The following TRAPPC9 variants were observed in gnomAD, a reference collection of about 807,000 sequenced individuals.
TRAPPC9 encodes trafficking protein particle complex subunit 9, also known as IKK2 binding protein.
TRAPPC9 carries 83 observed loss-of-function variants against 124.0 expected under a neutral mutation model. That is an observed-to-expected ratio of 0.67 (90% CI 0.56 to 0.80). The LOEUF (loss-of-function observed/expected upper bound fraction) is 0.80, where lower values mean the gene tolerates loss of function less well. TRAPPC9 is among the 30% of genes least tolerant of loss of function. TRAPPC9 has a pLI of 0.00. For missense variants in TRAPPC9, 1,302 were observed against 1,508.3 expected (o/e 0.86, Z 2.27); for synonymous variants, 638 against 617.5 (o/e 1.03, Z -0.49).
chr8:139,842,313 C>T (rs973577171), intron 21 of TRAPPC9, among the ~76,000 whole-genome samples: 1 of 152,226 alleles, frequency 6.6e-6, no homozygotes, highest in East Asian at 1.9e-4. Context: ...GAGCTTCCCA[C>T]CTGTGGAAAC....
At chr8:140,037,483 G>A (rs1587556245) in intron 17 of TRAPPC9, among the ~76,000 whole-genome samples, 1 of 151,924 alleles carries the variant, frequency 6.6e-6, no homozygotes, top group Non-Finnish European at 1.5e-5. Context: ...GGCCCCAATT[G>A]CCCAGCTACA....
chr8:140,116,205 A>G (rs928792887), intron 17 of TRAPPC9, among the ~76,000 whole-genome samples: 8 of 152,168 alleles, frequency 5.3e-5, no homozygotes, highest in Non-Finnish European at 1.0e-4. Flanking sequence ...GGCAATGAGG[A>G]ATAACGAAAA....
At chr8:140,229,618 G>C (rs2063545506) in intron 16 of TRAPPC9, among the ~76,000 whole-genome samples, 1 of 151,720 alleles carries the variant, frequency 6.6e-6, no homozygotes, top group Non-Finnish European at 1.5e-5. Context: ...GCTGAGGCTG[G>C]AGTGTAGCGG....
chr8:140,089,945 C>G (rs1407424622), intron 17 of TRAPPC9, among the ~76,000 whole-genome samples: 2 of 151,996 alleles, frequency 1.3e-5, no homozygotes, highest in Non-Finnish European at 2.9e-5. Context: ...CTGGGTGTGG[C>G]GGTGCACGCC....
intron 14 of TRAPPC9, among the ~76,000 whole-genome samples, chr8:140,280,449 C>T (rs1254862717): frequency 6.6e-6 from 1 of 152,050 alleles, no homozygotes; most frequent in Non-Finnish European, 1.5e-5. Flanking sequence ...TATTTTGAGA[C>T]AAAGTCTCGC....
At chr8:140,177,489 T>C (rs2062096271) in intron 17 of TRAPPC9, among the ~76,000 whole-genome samples, 1 of 152,186 alleles carries the variant, frequency 6.6e-6, no homozygotes, top group African/African-American at 2.4e-5. Context: ...GACTTCCTAT[T>C]TTGTTTCCAT....
chr8:140,038,639 G>A (rs62527033), intron 17 of TRAPPC9, among the ~76,000 whole-genome samples: 70,807 of 152,018 alleles, frequency 0.47, 18,286 homozygotes, highest in Non-Finnish European at 0.59. Flanking sequence ...GAGGGAGGCG[G>A]CCTCTCCTGA....
Position 139,730,876 on chromosome 8 carries a change from T to A in TRAPPC9, c.*185A>T. 1.5e-6 allele frequency: 1 copy of A among 652,502 alleles called. No homozygotes were observed. The highest frequency in any genetic ancestry group is 2.6e-6 in the Non-Finnish European group (1 of 382,652). The allele number at this position is 652,502 out of a possible 1,614,324, so 40.4% of individuals were successfully genotyped here. A position where few individuals can be genotyped will look rare whatever the true frequency, so the allele number is the denominator to read the frequency against. On this transcript the variant is annotated 3_prime_UTR_variant, in exon 23 of 23. Coordinates refer to ENST00000438773, the MANE Select transcript of TRAPPC9 (RefSeq NM_001160372.4). ...GGCGTGGCATGGGGTGGGGCTGCCA[T>A]GTCCGGGGCTTCTGCGTAGCCCAGC...
intron 17 of TRAPPC9, among the ~76,000 whole-genome samples, chr8:140,055,974 T>A (rs562296220): frequency 7.9e-5 from 12 of 152,224 alleles, no homozygotes; most frequent in African/African-American, 2.2e-4. Flanking sequence ...GGCTTTTTTT[T>A]AACAAAATTA....
chr8:140,262,369 C>G lies in TRAPPC9; in HGVS notation c.2279-9440G>C, dbSNP rs1011217348. ...GTTCTTTATTTCCCATCCATGCTCC[C>G]GAGGCGTTGAACATGACAGGTCTCA... On this transcript the variant is annotated intron_variant, in intron 15 of 22. Transcript: ENST00000438773. Among the ~76,000 whole-genome samples the G allele has an allele frequency of 2.7e-5, 4 of 150,898 alleles. No individual in the cohort carries two copies. In the East Asian group the frequency reaches 7.7e-4, roughly 29 times the overall value.
At chr8:140,222,945 G>A (rs2063369994) in intron 16 of TRAPPC9, among the ~76,000 whole-genome samples, 1 of 152,242 alleles carries the variant, frequency 6.6e-6, no homozygotes, top group Non-Finnish European at 1.5e-5. Context: ...GGTAGAAAGT[G>A]AGGTTGGTAA....
chr8:139,864,945 C>A (rs1050331426), intron 21 of TRAPPC9, among the ~76,000 whole-genome samples: 10 of 152,320 alleles, frequency 6.6e-5, no homozygotes, highest in Admixed American at 4.6e-4. Flanking sequence ...TCCGCAGGAA[C>A]CATGTCTGAA....
intron 19 of TRAPPC9, among the ~76,000 whole-genome samples, chr8:139,964,676 A>G (rs1020066851): frequency 6.2e-5 from 9 of 144,762 alleles, no homozygotes; most frequent in Non-Finnish European, 1.0e-4. Context: ...CAGCATCTCC[A>G]AGATGATAAA....
chr8:140,327,426 T>C (rs1451177406), intron 9 of TRAPPC9, among the ~76,000 whole-genome samples: 4 of 152,224 alleles, frequency 2.6e-5, no homozygotes, highest in African/African-American at 9.6e-5. Context: ...CCAAAAACCA[T>C]TGAAAATAGA....
intron 19 of TRAPPC9, chr8:139,931,930 G>C (rs1490009997): frequency 1.0e-5 from 2 of 192,268 alleles, no homozygotes; most frequent in Non-Finnish European, 1.1e-5. Context: ...TGAAAATAAA[G>C]AATAAAAATC....
chr8:139,741,045 AGGAGGGT>A (rs1440337902), intron 21 of TRAPPC9, among the ~76,000 whole-genome samples: 1 of 152,178 alleles, frequency 6.6e-6, no homozygotes, highest in Non-Finnish European at 1.5e-5. Flanking sequence ...GAGCCCCAAG[AGGAGGGT>A]GGAGGATGTG....
chr8:140,000,235 G>A (rs1356791803), intron 18 of TRAPPC9, among the ~76,000 whole-genome samples: 1 of 152,124 alleles, frequency 6.6e-6, no homozygotes, highest in Admixed American at 6.5e-5. Flanking sequence ...ATTAATTCAA[G>A]ATGGATTAAA....
At chr8:139,899,772 C>T (rs1468786242) in intron 20 of TRAPPC9, among the ~76,000 whole-genome samples, 1 of 152,160 alleles carries the variant, frequency 6.6e-6, no homozygotes. Context: ...AACCTACACA[C>T]CAGCAAGAAT....
chr8:139,922,239 C>T (rs1832559418), intron 19 of TRAPPC9, among the ~76,000 whole-genome samples: 1 of 151,320 alleles, frequency 6.6e-6, no homozygotes, highest in African/African-American at 2.4e-5. Context: ...TACAGTGGCA[C>T]ACTCTCGGCT....
Sources: gnomAD v4.1 joint callset for allele counts (sites outside exome capture counted in the v4.1 genomes callset) on GRCh38, gnomAD v4.1.1 for gene constraint, MANE v1.5 for transcripts, NCBI Gene and HGNC (gene_info 2026-07-23, HGNC 2026-07-21) for gene names.